Variants in MAML2 observed in about 807,000 individuals in gnomAD.
MAML2 encodes the protein mastermind-like protein 2.
Under a neutral mutation model 96.1 loss-of-function variants are expected in MAML2, and 22 were observed. That is an observed-to-expected ratio of 0.23 (90% CI 0.16 to 0.33). The LOEUF (loss-of-function observed/expected upper bound fraction) is 0.33. Among genes scored for constraint, MAML2 ranks in the 10% least tolerant of loss-of-function variants. The pLI, the probability that MAML2 is intolerant of heterozygous loss-of-function variation, is 1.00. For missense variants in MAML2, 1,367 were observed against 1,392.4 expected (o/e 0.98, Z 0.29); for synonymous variants, 561 against 521.3 (o/e 1.08, Z -1.04).
At chr11:95,999,140 C>A (rs1441782529) in intron 2 of MAML2, among the ~76,000 whole-genome samples, 2 of 152,138 alleles carry the variant, frequency 1.3e-5, no homozygotes, top group Non-Finnish European at 2.9e-5. Context: ...TCACCACTAA[C>A]CTTTTCTTTA....
chr11:96,106,320 C>T (rs1254785626), intron 1 of MAML2, among the ~76,000 whole-genome samples: 1 of 152,190 alleles, frequency 6.6e-6, no homozygotes, highest in Non-Finnish European at 1.5e-5. Flanking sequence ...AATGGTAATT[C>T]TCTTTGTCAA....
intron 1 of MAML2, among the ~76,000 whole-genome samples, chr11:96,197,036 C>G (rs767702237): frequency 3.3e-5 from 5 of 152,146 alleles, no homozygotes; most frequent in Non-Finnish European, 5.9e-5. Context: ...CAGGAGTTTA[C>G]TCTGTGCCTG....
At chr11:96,096,809 C>T (rs965456783) in intron 1 of MAML2, among the ~76,000 whole-genome samples, 1 of 152,152 alleles carries the variant, frequency 6.6e-6, no homozygotes, top group Non-Finnish European at 1.5e-5. Context: ...AGTTTGTGTT[C>T]CAGGCACTAT....
At chr11:96,082,559 G>A (rs889263208) in intron 2 of MAML2, among the ~76,000 whole-genome samples, 4 of 152,156 alleles carry the variant, frequency 2.6e-5, no homozygotes, top group Non-Finnish European at 2.9e-5. Flanking sequence ...TCATAGGGAG[G>A]AGAGCTGACG....
intron 2 of MAML2, among the ~76,000 whole-genome samples, chr11:96,064,636 G>A (rs1194727731): frequency 6.6e-6 from 1 of 152,118 alleles, no homozygotes; most frequent in Non-Finnish European, 1.5e-5. Context: ...TATTTGTAGA[G>A]GGCAATATAT....
At chr11:96,223,441 C>T (rs1176691480) in intron 1 of MAML2, among the ~76,000 whole-genome samples, 1 of 152,088 alleles carries the variant, frequency 6.6e-6, no homozygotes, top group Non-Finnish European at 1.5e-5. Flanking sequence ...CATTTGTTAG[C>T]CTATTTATAA....
intron 1 of MAML2, among the ~76,000 whole-genome samples, chr11:96,220,146 C>A (rs1340392092): frequency 1.3e-5 from 2 of 152,146 alleles, no homozygotes; most frequent in African/African-American, 4.8e-5. Context: ...ATCAAAGGAT[C>A]TTTGCCTGAG....
In MAML2 at chr11:96,209,758, T is replaced by G. The variant is rs532140949; in HGVS notation, c.514-116241A>C. Among the ~76,000 whole-genome samples, 7 of 152,340 alleles carry G rather than the reference T, an allele frequency of 4.6e-5. No individual in the cohort carries two copies. In the South Asian group the frequency reaches 1.4e-3, roughly 32 times the overall value. On this transcript the variant is annotated intron_variant, in intron 1 of 4. Transcript: ENST00000524717. ...TAATTATTTTGAGTGCATTTCCACT[T>G]TAACAGTGCCACGAAACTATCGATT...
chr11:96,004,517 G>A (rs969379898), intron 2 of MAML2, among the ~76,000 whole-genome samples: 1 of 151,756 alleles, frequency 6.6e-6, no homozygotes, highest in African/African-American at 2.4e-5. Flanking sequence ...ACTACTTTTG[G>A]CTGCTTGTTA....
intron 2 of MAML2, among the ~76,000 whole-genome samples, chr11:96,066,322 C>T (rs1859245444): frequency 6.6e-6 from 1 of 152,318 alleles, no homozygotes; most frequent in East Asian, 1.9e-4. Flanking sequence ...TCTGAGGGCA[C>T]AAGGCAGAGC....
chr11:96,212,399 G>T (rs1861986371), intron 1 of MAML2, among the ~76,000 whole-genome samples: 1 of 151,824 alleles, frequency 6.6e-6, no homozygotes. Context: ...ACATTTAAGG[G>T]TTTACCCAGG....
intron 1 of MAML2, among the ~76,000 whole-genome samples, chr11:96,159,404 ATTCTTT>A (rs1260647064): frequency 0.014 from 890 of 61,980 alleles, 63 homozygotes; most frequent in East Asian, 0.066. Context: ...TAAACCACTG[ATTCTTT>A]TTTTTTTTTT....
At chr11:96,314,074 A>T (rs995697479) in intron 1 of MAML2, among the ~76,000 whole-genome samples, 4 of 152,222 alleles carry the variant, frequency 2.6e-5, no homozygotes, top group Admixed American at 2.6e-4. Context: ...AGGGATATGA[A>T]AAAGGAAAGG....
chr11:96,020,618 G>T (rs914871309), intron 2 of MAML2, among the ~76,000 whole-genome samples: 1 of 152,200 alleles, frequency 6.6e-6, no homozygotes. Context: ...CGCAGGCCAC[G>T]TGTGAACTGA....
intron 1 of MAML2, among the ~76,000 whole-genome samples, chr11:96,169,385 A>G (rs568999010): frequency 1.1e-4 from 16 of 152,316 alleles, no homozygotes; most frequent in Non-Finnish European, 1.9e-4. Flanking sequence ...AACCTGTTCC[A>G]TCTAGCACTT....
chr11:96,163,743 C>T (rs190331068), intron 1 of MAML2, among the ~76,000 whole-genome samples: 27 of 152,142 alleles, frequency 1.8e-4, no homozygotes, highest in Non-Finnish European at 3.2e-4. Flanking sequence ...AATACCACTT[C>T]GTATTGATAA....
At chr11:95,987,069 G>A (rs1007849843) in intron 3 of MAML2, among the ~76,000 whole-genome samples, 2 of 152,154 alleles carry the variant, frequency 1.3e-5, no homozygotes, top group Non-Finnish European at 2.9e-5. Flanking sequence ...TGGACTTTGA[G>A]TGATTTCGGA....
At chr11:96,026,263 G>T (rs1858516049) in intron 2 of MAML2, among the ~76,000 whole-genome samples, 1 of 152,232 alleles carries the variant, frequency 6.6e-6, no homozygotes, top group South Asian at 2.1e-4. Context: ...CTGCAGCCCT[G>T]CGGCTAAAGT....
intron 2 of MAML2, among the ~76,000 whole-genome samples, chr11:96,032,586 C>CAAAAAAA (rs59167571): frequency 1.1e-5 from 1 of 91,468 alleles, no homozygotes; most frequent in African/African-American, 4.1e-5. Context: ...GAGTCTGTCT[C>CAAAAAAA]AAAAAAAAAA....
Sources: allele counts gnomAD v4.1 joint callset (sites outside exome capture counted in the v4.1 genomes callset), GRCh38; gene constraint gnomAD v4.1.1; transcripts MANE v1.5; gene names NCBI Gene and HGNC (gene_info 2026-07-23, HGNC 2026-07-21).